Variants in CSPG4 observed in about 807,000 individuals in gnomAD.
The protein encoded by CSPG4 is chondroitin sulfate proteoglycan 4.
In CSPG4, 74 loss-of-function variants were observed where a neutral mutation model predicts 139.3. The observed-to-expected ratio is 0.53, with a 90% CI of 0.44 to 0.64. The LOEUF (loss-of-function observed/expected upper bound fraction) is 0.64. CSPG4 is among the 30% of genes least tolerant of loss of function. The pLI is 0.00. For missense variants in CSPG4, 2,565 were observed against 3,148.3 expected, an observed-to-expected ratio of 0.81 and a Z score of 4.43; for synonymous variants, 1,234 against 1,394.2, an observed-to-expected ratio of 0.89 and a Z score of 2.56.
In CSPG4 at chr15:75,677,022, G is replaced by T; in HGVS notation, c.5497C>A (p.Pro1833Thr). 1 of 1,437,550 alleles carries T rather than the reference G, an allele frequency of 7.0e-7. No individual in the cohort carries two copies. The allele number at this position is 1,437,550 out of a possible 1,614,324, so 89.0% of individuals were successfully genotyped here. A position where few individuals can be genotyped will look rare whatever the true frequency, so the allele number is the denominator to read the frequency against. The change falls in exon 10 of 10, where the codon CCT (proline) becomes ACT (threonine). Residue 1833 changes from proline to threonine, a missense_variant. Physicochemically the swap from Pro to Thr is conservative, Grantham distance 38. Coordinates refer to ENST00000308508, the MANE Select transcript of CSPG4 (RefSeq NM_001897.5). ...ITVRDVNERP[P>T]QPQASVPLRL... is the part of the protein sequence containing the mutation. ...AGTGGGACAGAGGCCTGTGGCTGAG[G>T]GGGCCGCTCATTTACATCCCTCACC...
chr15:75,688,790 G>C lies in CSPG4; in HGVS notation c.2275C>G (p.Leu759Val). 6.2e-7 allele frequency: 1 copy of C among 1,612,910 alleles called. No individual in the cohort carries two copies. Among genetic ancestry groups the C allele is most frequent in the Non-Finnish European group, 8.5e-7 (1 of 1,179,882 alleles). ...QHHAYDTVEN[L>V]ALEVQVGQEI... is the part of the protein sequence containing the mutation. The stretch of plus-strand genomic sequence containing the variant: ...TGGCCCACCTGCACCTCCAGGGCCA[G>C]GTTCTCCACGGTGTCGTAAGCGTGG... The change falls in exon 3 of 10, where the codon CTG becomes GTG. Residue 759 changes from leucine to valine, a missense_variant. By Grantham distance (32) the Leu-to-Val change is conservative. Transcript: ENST00000308508.
rs144338087 is a variant in CSPG4 at position 75,682,933 on chromosome 15, G to A, written c.4558C>T (p.Arg1520Trp). ...CCCGGCGCCCCCCGCAGCACTACCCGCCCGTTGCTGGGCTGCTCGATGGTG... is the reference window on the plus strand; with the variant it reads ...CCCGGCGCCCCCCGCAGCACTACCCACCCGTTGCTGGGCTGCTCGATGGTG... ...VYTIEQPSNG[R>W]VVLRGAPGTE... The change falls in exon 6 of 10, where the codon CGG (arginine) becomes TGG (tryptophan). Residue 1520 changes from arginine (R) to tryptophan (W), a missense_variant. Physicochemically the swap from Arg to Trp is moderately radical, Grantham distance 101. This residue lies in a region of CSPG4 where 2,316 missense variants were observed against 2,818.2 expected (regional missense o/e 0.82). Transcript: ENST00000308508. The A allele has an allele frequency of 1.6e-4, 262 of 1,611,330 alleles. No individual in the cohort carries two copies. The African/African-American group carries it at 3.1e-3, about 19-fold the overall frequency.
chr15:75,708,513 C>A (rs916915357), intron 1 of CSPG4, among the ~76,000 whole-genome samples: 3 of 151,140 alleles, frequency 2.0e-5, no homozygotes, highest in Admixed American at 6.6e-5. Context: ...GATGGGGAGA[C>A]AGAACAAACA....
rs1364966153 is a variant in CSPG4, at chr15:75,696,084, A to C, written c.89-2851T>G. 6.6e-6 allele frequency among the ~76,000 whole-genome samples: 1 copy of C among 152,068 alleles called. No individual in the cohort carries two copies. The highest frequency in any genetic ancestry group is 2.4e-5 in the African/African-American group (1 of 41,398). On this transcript the variant is annotated intron_variant, in intron 1 of 9. Coordinates refer to ENST00000308508, the MANE Select transcript of CSPG4 (RefSeq NM_001897.5). The surrounding 1 kb of genome is among the most constrained non-coding windows in gnomAD (Gnocchi z 4.2). ...ATGATTCATCAAAACAGCAGACCAA[A>C]CCTGTAGCAGCCCCATGGGCTGCCC...
At position 75,705,822 on chromosome 15, in the gene CSPG4, G is replaced by C. The variant is rs563304265; in HGVS notation, c.88+6846C>G. ...ATTTGCTCCTCCTTGACCAGGGTGG[G>C]AAGTAAAAGTGTGTGTGTGTATCTG... On this transcript the variant is annotated intron_variant, in intron 1 of 9. Coordinates refer to ENST00000308508, the MANE Select transcript of CSPG4 (RefSeq NM_001897.5). 1.2e-3 allele frequency among the ~76,000 whole-genome samples: 183 copies of C among 152,288 alleles called. 1 individual carries two copies. The highest frequency in any genetic ancestry group is 4.3e-3 in the African/African-American group (179 of 41,562).
chr15:75,679,614 C>T (rs1181361042), intron 8 of CSPG4: 1 of 152,226 alleles, frequency 6.6e-6, no homozygotes, highest in African/African-American at 2.4e-5. Context: ...ATTCTTCGCT[C>T]CAGGAAGAAA....
intron 5 of CSPG4, 143 bp downstream of exon 5, chr15:75,684,593 A>C: frequency 1.4e-6 from 1 of 728,464 alleles, no homozygotes; most frequent in Non-Finnish European, 2.2e-6. Flanking sequence ...CCTTCCAACA[A>C]CCCCGTGAGG....
chr15:75,683,454 G>A (rs999840438), intron 5 of CSPG4, among the ~76,000 whole-genome samples: 4 of 152,204 alleles, frequency 2.6e-5, no homozygotes, highest in African/African-American at 9.6e-5. Flanking sequence ...GTGTGTGCCT[G>A]GCCGGGGCCG....
chr15:75,682,687 G>T lies in CSPG4; in HGVS notation c.4703C>A (p.Pro1568His). The change falls in exon 7 of 10, where the codon CCC becomes CAC. Residue 1568 changes from proline to histidine, a missense_variant. Coordinates refer to ENST00000308508, the MANE Select transcript of CSPG4 (RefSeq NM_001897.5). Reference protein sequence around the residue: ...FRLSDGEHTSPGHFFRVTAQK... With the variant: ...FRLSDGEHTSHGHFFRVTAQK... The stretch of plus-strand genomic sequence containing the variant: ...GGCCGTCACTCGGAAGAAGTGTCCG[G>T]GGGAAGTGTGCTCGCCGTCAGAGAG... The T allele has an allele frequency of 1.9e-6, 3 of 1,613,062 alleles. No homozygotes were observed. Among genetic ancestry groups the T allele is most frequent in the Non-Finnish European group, 2.5e-6 (3 of 1,180,020 alleles).
rs778627105 is a variant in CSPG4 at position 75,682,685 on chromosome 15, C to T, written c.4705G>A (p.Gly1569Arg). The change falls in exon 7 of 10, where the codon GGA becomes AGA. Residue 1569 changes from glycine (G) to arginine (R), a missense_variant. Gly to Arg is a moderately radical substitution (Grantham distance 125). Around this residue, in one of 5 missense-constraint regions of CSPG4, gnomAD observed 2,316 missense variants for 2,818.2 expected, o/e 0.82. Transcript: ENST00000308508. Reference protein sequence around the residue: ...RLSDGEHTSPGHFFRVTAQKQ... With the variant: ...RLSDGEHTSPRHFFRVTAQKQ... ...TGGGCCGTCACTCGGAAGAAGTGTC[C>T]GGGGGAAGTGTGCTCGCCGTCAGAG... is the stretch of plus-strand genomic sequence containing the variant. 13 of 1,612,894 alleles carry T rather than the reference C, an allele frequency of 8.1e-6. No homozygotes were observed. Among genetic ancestry groups the T allele is most frequent in the Middle Eastern group, 1.6e-4 (1 of 6,084 alleles).
At chr15:75,700,530 A>G (rs1894288432) in intron 1 of CSPG4, among the ~76,000 whole-genome samples, 4 of 151,910 alleles carry the variant, frequency 2.6e-5, no homozygotes, top group African/African-American at 9.7e-5. Flanking sequence ...GAAGCCAGTG[A>G]TAAGTGCCAG....
intron 1 of CSPG4, among the ~76,000 whole-genome samples, chr15:75,712,463 C>G (rs1474135481): frequency 1.3e-5 from 2 of 152,200 alleles, no homozygotes; most frequent in African/African-American, 4.8e-5. Flanking sequence ...CCTTGGCTAG[C>G]TAGAAACCCC....
rs1894095497 is a variant in CSPG4 at position 75,688,284 on chromosome 15, G to A, written c.2781C>T (p.Leu927=). ...CCTCATAGAGGTAGCTGGCACTGTT[G>A]AGACTCTTGACAAAGAGGTGGTCAG... ...LSADHLFVKS[L]NSASYLYEVM... The change falls in exon 3 of 10, where the codon CTC becomes CTT. Residue 927 remains leucine, a synonymous_variant. Coordinates refer to ENST00000308508, the MANE Select transcript of CSPG4 (RefSeq NM_001897.5). 1 of 1,613,084 alleles carries A rather than the reference G, an allele frequency of 6.2e-7. No individual in the cohort carries two copies. Among genetic ancestry groups the A allele is most frequent in the South Asian group, 1.1e-5 (1 of 91,090 alleles).
In CSPG4 at chr15:75,685,448, A is replaced by C. The variant is rs1304208988; in HGVS notation, c.4043T>G (p.Leu1348Arg). ...SGLGAPLEGV[L>R]VELEVLPAAI... ...AGCGGGCAGCACCTCCAGCTCCACA[A>C]GGACGCCCTCGAGGGGAGCACCCAG... Residue 1348 changes from leucine (L) to arginine (R), a missense_variant, in exon 4 of 10, where the codon CTT (leucine) becomes CGT (arginine). Leu to Arg is a moderately radical substitution (Grantham distance 102). Coordinates refer to ENST00000308508, the MANE Select transcript of CSPG4 (RefSeq NM_001897.5). The C allele has an allele frequency of 1.2e-6, 2 of 1,612,456 alleles. No homozygotes were observed. The highest frequency in any genetic ancestry group is 4.5e-5 in the East Asian group (2 of 44,874).
intron 1 of CSPG4, among the ~76,000 whole-genome samples, chr15:75,694,979 G>A (rs939359964): frequency 2.0e-5 from 3 of 152,210 alleles, no homozygotes; most frequent in Non-Finnish European, 2.9e-5. Context: ...AGCCACCACC[G>A]TCACCTGCTG....
At chr15:75,700,172 G>GGCTCCAGA (rs1324002986) in intron 1 of CSPG4, among the ~76,000 whole-genome samples, 1 of 152,210 alleles carries the variant, frequency 6.6e-6, no homozygotes. Flanking sequence ...CAGAGCTAGG[G>GGCTCCAGA]GCTGTGGGTG....
At position 75,689,141 on chromosome 15, in the gene CSPG4, C is replaced by T. The variant is rs144871254; in HGVS notation, c.1924G>A (p.Val642Ile). ...GGGCTGGCCTGCAGTCCATCGCTGACCCGGAACGTCAAGTCCTGTGCAGGA... is the reference window on the plus strand; with the variant it reads ...GGGCTGGCCTGCAGTCCATCGCTGATCCGGAACGTCAAGTCCTGTGCAGGA... ...GGPAQDLTFR[V>I]SDGLQASPPA... Residue 642 changes from valine (V) to isoleucine (I), a missense_variant, in exon 3 of 10, where the codon GTC becomes ATC. By Grantham distance (29) the Val-to-Ile change is conservative. Coordinates refer to ENST00000308508, the MANE Select transcript of CSPG4 (RefSeq NM_001897.5). The T allele has an allele frequency of 3.8e-6, 6 of 1,598,550 alleles. No homozygotes were observed. The highest frequency in any genetic ancestry group is 1.7e-5 in the Admixed American group (1 of 59,418).
chr15:75,680,928 A>T (rs138961708), intron 8 of CSPG4, among the ~76,000 whole-genome samples: 1 of 151,944 alleles, frequency 6.6e-6, no homozygotes, highest in Non-Finnish European at 1.5e-5. Context: ...TGCCAGCCTG[A>T]CCCCCTGGTG....
Position 75,682,955 on chromosome 15 carries a change from G to T in CSPG4, c.4536C>A (p.Thr1512=). The T allele has an allele frequency of 6.2e-7, 1 of 1,611,604 alleles. No individual in the cohort carries two copies. ...CCCGCCCGTTGCTGGGCTGCTCGAT[G>T]GTGTAGACCAGATCCTCAGACCCAG... ...GDSGSEDLVY[T]IEQPSNGRVV... Residue 1512 remains threonine (T), a synonymous_variant, in exon 6 of 10, where the codon ACC becomes ACA. Coordinates refer to ENST00000308508, the MANE Select transcript of CSPG4 (RefSeq NM_001897.5).
Sources: gnomAD v4.1 joint callset for allele counts (sites outside exome capture counted in the v4.1 genomes callset) on GRCh38, gnomAD v4.1.1 for gene constraint, gnomAD v4.1.1 regional missense constraint, Gnocchi (gnomAD v3.1) non-coding constraint, MANE v1.5 for transcripts, NCBI Gene and HGNC (gene_info 2026-07-23, HGNC 2026-07-21) for gene names.